PDE4D: variants seen among roughly 807,000 people sequenced by gnomAD.
The protein encoded by PDE4D is phosphodiesterase 4D.
PDE4D carries 24 observed loss-of-function variants against 87.4 expected under a neutral mutation model. The observed-to-expected ratio is 0.27, with a 90% CI of 0.20 to 0.39. The LOEUF (loss-of-function observed/expected upper bound fraction) is 0.39. Among genes scored for constraint, PDE4D ranks in the 10% least tolerant of loss-of-function variants. The pLI is 1.00. For synonymous variants in PDE4D, 384 were observed against 383.2 expected (o/e 1.00, Z -0.02); for missense variants, 714 against 1,041.0 (o/e 0.69, Z 4.32).
intron 1 of PDE4D, among the ~76,000 whole-genome samples, chr5:59,346,727 A>T (rs1466899531): frequency 2.0e-5 from 3 of 152,176 alleles, no homozygotes; most frequent in Non-Finnish European, 4.4e-5. Context: ...AGGACAGAGA[A>T]CAAAAACGTC....
intron 2 of PDE4D, among the ~76,000 whole-genome samples, chr5:60,103,279 G>A (rs980786216): frequency 3.3e-5 from 5 of 152,138 alleles, no homozygotes; most frequent in African/African-American, 4.8e-5. Flanking sequence ...ATGATGATGG[G>A]CTCCTCTCTG....
intron 5 of PDE4D, among the ~76,000 whole-genome samples, chr5:59,161,621 C>T (rs529173463): frequency 1.8e-4 from 28 of 152,208 alleles, no homozygotes; most frequent in East Asian, 3.9e-4. Context: ...ACTTCCTTTG[C>T]GGCCTAAATC....
At chr5:60,082,070 C>T in intron 2 of PDE4D, among the ~76,000 whole-genome samples, 1 of 152,144 alleles carries the variant, frequency 6.6e-6, no homozygotes, top group Non-Finnish European at 1.5e-5. Context: ...GGTTTACTTC[C>T]CAATTCAGTC....
chr5:59,459,393 C>T (rs76142286), intron 1 of PDE4D, among the ~76,000 whole-genome samples: 5,736 of 152,244 alleles, frequency 0.038, 324 homozygotes, highest in East Asian at 0.13. Flanking sequence ...ACCTGTTTCA[C>T]ATTCTATACA....
chr5:60,429,567 G>C (rs1744015260), intron 1 of PDE4D, among the ~76,000 whole-genome samples: 1 of 152,132 alleles, frequency 6.6e-6, no homozygotes, highest in South Asian at 2.1e-4. Context: ...AATACTCCCA[G>C]CTTTTGCCCA....
At chr5:59,665,712 C>T (rs920135071) in intron 1 of PDE4D, among the ~76,000 whole-genome samples, 4 of 152,294 alleles carry the variant, frequency 2.6e-5, no homozygotes, top group Non-Finnish European at 4.4e-5. Flanking sequence ...GGAGGTAGGG[C>T]CTTTGGGAGG....
At chr5:59,897,985 T>C (rs1222322006), upstream of PDE4D, among the ~76,000 whole-genome samples, 2 of 152,210 alleles carry the variant, frequency 1.3e-5, no homozygotes, top group Non-Finnish European at 2.9e-5. Context: ...CAAGATAATA[T>C]TGTCAGTATT....
chr5:59,308,611 C>T (rs1771899063), intron 1 of PDE4D, among the ~76,000 whole-genome samples: 1 of 151,718 alleles, frequency 6.6e-6, no homozygotes, highest in Admixed American at 6.6e-5. Context: ...CTGTTAATCT[C>T]ACAGATTTTC....
intron 1 of PDE4D, among the ~76,000 whole-genome samples, chr5:60,239,961 T>A (rs1027534419): frequency 6.6e-6 from 1 of 152,114 alleles, no homozygotes; most frequent in Non-Finnish European, 1.5e-5. Flanking sequence ...CAATTAAACA[T>A]AAGCAGAACC....
chr5:59,373,956 C>A (rs1784330657), intron 1 of PDE4D, among the ~76,000 whole-genome samples: 4 of 152,102 alleles, frequency 2.6e-5, no homozygotes, highest in Non-Finnish European at 1.5e-5. Context: ...GAAATAATAT[C>A]CTGTTCAGAC....
intron 1 of PDE4D, among the ~76,000 whole-genome samples, chr5:59,780,197 C>G (rs758065157): frequency 1.3e-5 from 2 of 152,176 alleles, no homozygotes; most frequent in Non-Finnish European, 2.9e-5. Flanking sequence ...AACCCCGTCT[C>G]TACTAAAAAT....
rs892963719 is a variant in PDE4D, at chr5:59,005,759, C to A, written c.922-12294G>T. Among the ~76,000 whole-genome samples, 14 of 152,294 alleles carry A rather than the reference C, an allele frequency of 9.2e-5. No homozygotes were observed. In the South Asian group the frequency reaches 2.9e-3, roughly 32 times the overall value. ...CCCTATTTTAACATGAAAAGATGGA[C>A]CTTCTTACATATTCAATAACTTGCT... On this transcript the variant is annotated intron_variant, in intron 6 of 14. Transcript: ENST00000340635.
intron 1 of PDE4D, among the ~76,000 whole-genome samples, chr5:60,434,549 C>T (rs1744613889): frequency 6.6e-6 from 1 of 151,950 alleles, no homozygotes; most frequent in East Asian, 1.9e-4. Flanking sequence ...TTTAAATGGA[C>T]ACAAAAAGAG....
At chr5:59,791,652 G>T (rs1765804160) in intron 1 of PDE4D, among the ~76,000 whole-genome samples, 1 of 152,120 alleles carries the variant, frequency 6.6e-6, no homozygotes, top group South Asian at 2.1e-4. Context: ...ATTACAGTCA[G>T]TCACAAGACC....
chr5:59,224,281 T>TAC (rs1259483302), intron 1 of PDE4D, among the ~76,000 whole-genome samples: 56 of 134,056 alleles, frequency 4.2e-4, no homozygotes, highest in Non-Finnish European at 8.1e-4. Flanking sequence ...GATCCTGTCA[T>TAC]ACACACACAC....
chr5:60,507,364 C>T (rs1020696018), intron 1 of PDE4D, among the ~76,000 whole-genome samples: 6 of 152,172 alleles, frequency 3.9e-5, no homozygotes, highest in South Asian at 2.1e-4. Context: ...CTTGAGCCAC[C>T]GCACCCGGCC....
chr5:59,346,569 C>T (rs1779632352), intron 1 of PDE4D, among the ~76,000 whole-genome samples: 1 of 152,010 alleles, frequency 6.6e-6, no homozygotes, highest in South Asian at 2.1e-4. Flanking sequence ...TGTCAGATCT[C>T]CCTAAGGTTT....
chr5:59,656,273 T>A (rs953457960), intron 1 of PDE4D, among the ~76,000 whole-genome samples: 1 of 151,964 alleles, frequency 6.6e-6, no homozygotes, highest in Non-Finnish European at 1.5e-5. Context: ...ACACATACAA[T>A]AAACTCACAT....
At chr5:59,847,819 G>A (rs1052943953) in intron 1 of PDE4D, among the ~76,000 whole-genome samples, 1 of 152,082 alleles carries the variant, frequency 6.6e-6, no homozygotes, top group East Asian at 1.9e-4. Flanking sequence ...GAAAAATCAT[G>A]GCAATGCCAA....
Sources: allele counts gnomAD v4.1 joint callset (sites outside exome capture counted in the v4.1 genomes callset), GRCh38; gene constraint gnomAD v4.1.1; transcripts MANE v1.5; gene names NCBI Gene and HGNC (gene_info 2026-07-23, HGNC 2026-07-21).